Variants in IGF2BP2 observed in about 807,000 individuals in gnomAD.
IGF2BP2 encodes insulin like growth factor 2 mRNA binding protein 2, also known as insulin-like growth factor 2 mRNA-binding protein 2.
Under a neutral mutation model 75.8 loss-of-function variants are expected in IGF2BP2, and 17 were observed. The observed-to-expected ratio is 0.22, with a 90% CI of 0.15 to 0.34. The LOEUF (loss-of-function observed/expected upper bound fraction) is 0.34. IGF2BP2 is among the 10% of genes least tolerant of loss of function. The pLI is 1.00. For synonymous variants in IGF2BP2, 288 were observed against 295.6 expected, an observed-to-expected ratio of 0.97 and a Z score of 0.26; for missense variants, 516 against 772.4, an observed-to-expected ratio of 0.67 and a Z score of 3.93.
chr3:185,726,086 C>T (rs1727286460), intron 2 of IGF2BP2, among the ~76,000 whole-genome samples: 1 of 152,128 alleles, frequency 6.6e-6, no homozygotes, highest in Non-Finnish European at 1.5e-5. Context: ...AACAGGTGAG[C>T]GGGACCAGGG....
At chr3:185,675,575 A>G in intron 8 of IGF2BP2, 144 bp from the exon 9 acceptor site, 1 of 1,111,530 alleles carries the variant, frequency 9.0e-7, no homozygotes, top group Non-Finnish European at 1.3e-6. Flanking sequence ...AATCCCTGCC[A>G]TCTTATTTCA....
chr3:185,780,892 T>C (rs916801577), intron 2 of IGF2BP2, among the ~76,000 whole-genome samples: 7 of 152,174 alleles, frequency 4.6e-5, no homozygotes, highest in Non-Finnish European at 1.0e-4. Context: ...AAGCTAGACC[T>C]TGGCTCACAT....
chr3:185,791,082 G>T (rs906294593), intron 2 of IGF2BP2, among the ~76,000 whole-genome samples: 2 of 152,190 alleles, frequency 1.3e-5, no homozygotes, highest in African/African-American at 4.8e-5. Context: ...ATTGACCCCA[G>T]ACCTGGCTAG....
intron 2 of IGF2BP2, among the ~76,000 whole-genome samples, chr3:185,805,093 G>T (rs750721819): frequency 6.6e-6 from 1 of 151,894 alleles, no homozygotes; most frequent in Non-Finnish European, 1.5e-5. Flanking sequence ...TCCACTTTAC[G>T]TAGATCCTAG....
intron 2 of IGF2BP2, among the ~76,000 whole-genome samples, chr3:185,701,186 TC>T (rs1287332344): frequency 6.6e-6 from 1 of 152,042 alleles, no homozygotes; most frequent in African/African-American, 2.4e-5. Flanking sequence ...CACGTTGGCC[TC>T]CCAAAGTGCT....
In IGF2BP2 at chr3:185,797,766, G is replaced by A. The variant is rs533642621; in HGVS notation, c.239+25387C>T. 3.4e-4 allele frequency among the ~76,000 whole-genome samples: 52 copies of A among 151,746 alleles called. 1 individual carries two copies. The highest frequency in any genetic ancestry group is 4.4e-4 in the Non-Finnish European group (30 of 67,952). On this transcript the variant is annotated intron_variant, in intron 2 of 15. Transcript: ENST00000382199. The stretch of plus-strand genomic sequence containing the variant: ...AAAAAAACAAAAAAATTAGCCAAGC[G>A]TGGAGGTGCATGCCTGTAGTCCTAG...
Position 185,652,124 on chromosome 3 carries a change from G to A in IGF2BP2, c.1431C>T (p.Ile477=). The change falls in exon 13 of 16, where the codon ATC becomes ATT. Residue 477 remains isoleucine (I), a synonymous_variant. Transcript: ENST00000382199. ...EGPDVSERMV[I]ITGPPEAQFK... The stretch of plus-strand genomic sequence containing the variant: ...ACTGGGCTTCCGGTGGCCCGGTGAT[G>A]ATGACCATCCTTTCGCTGACGTCTG... 6.2e-7 allele frequency: 1 copy of A among 1,613,020 alleles called. No homozygotes were observed. Among genetic ancestry groups the A allele is most frequent in the Non-Finnish European group, 8.5e-7 (1 of 1,179,298 alleles).
chr3:185,797,832 C>A (rs182865901), intron 2 of IGF2BP2, among the ~76,000 whole-genome samples: 2 of 142,584 alleles, frequency 1.4e-5, no homozygotes, highest in African/African-American at 2.7e-5. Context: ...GTGAGCCTGG[C>A]GAGGTCAAGG....
At chr3:185,672,404 C>T (rs1198892134) in intron 10 of IGF2BP2, 137 bp downstream of exon 10, 12 of 845,206 alleles carry the variant, frequency 1.4e-5, no homozygotes, top group Non-Finnish European at 2.0e-5. Context: ...ATGTTGAGTT[C>T]AACCTACATT....
chr3:185,645,355 C>A lies in IGF2BP2; in HGVS notation c.*176G>T, dbSNP rs1179532125. The A allele has an allele frequency of 1.9e-5, 11 of 587,210 alleles. No individual in the cohort carries two copies. The highest frequency in any genetic ancestry group is 2.4e-5 in the Non-Finnish European group (8 of 327,382). The allele number at this position is 587,210 out of a possible 1,614,324, so 36.4% of individuals were successfully genotyped here. Reference sequence around the variant, plus strand: ...AACCTGGCTGACCTTCCCCGCCCCTCCTCGGCCCCTGGGGTTCTCAGGGCC... The same window carrying A: ...AACCTGGCTGACCTTCCCCGCCCCTACTCGGCCCCTGGGGTTCTCAGGGCC... On this transcript the variant is annotated 3_prime_UTR_variant, in exon 16 of 16. Transcript: ENST00000382199. This position sits in a 1 kb window ranked among gnomAD's most constrained non-coding sequence, Gnocchi z 4.9.
chr3:185,654,972 A>G (rs951945975), intron 12 of IGF2BP2, among the ~76,000 whole-genome samples: 15 of 152,184 alleles, frequency 9.9e-5, no homozygotes, highest in Admixed American at 9.8e-4. Context: ...GCCCAGCAGC[A>G]TCAAATGTGC....
At chr3:185,800,329 T>C (rs906249415) in intron 2 of IGF2BP2, among the ~76,000 whole-genome samples, 21 of 151,976 alleles carry the variant, frequency 1.4e-4, no homozygotes, top group African/African-American at 5.1e-4. Flanking sequence ...CTAATGTAAA[T>C]GACAAGTTGA....
intron 5 of IGF2BP2, among the ~76,000 whole-genome samples, chr3:185,690,006 G>GGTTCATTCACTCCCATTTAA (rs1721735842): frequency 1.3e-5 from 2 of 151,802 alleles, no homozygotes; most frequent in African/African-American, 4.8e-5. Flanking sequence ...CCGCAAGACT[G>GGTTCATTCACTCCCATTTAA]GTTCATTCAC....
At chr3:185,666,272 A>T (rs1369683215) in intron 10 of IGF2BP2, among the ~76,000 whole-genome samples, 2 of 152,252 alleles carry the variant, frequency 1.3e-5, no homozygotes, top group Non-Finnish European at 2.9e-5. Context: ...GTTTGTAGTG[A>T]GCAATGAAAC....
In IGF2BP2 at chr3:185,665,485, G is replaced by GA. The variant is rs1717350137; in HGVS notation, c.1200+7055dup. 6.0e-5 allele frequency among the ~76,000 whole-genome samples: 4 copies of GA among 66,172 alleles called. 1 individual carries two copies. The highest frequency in any genetic ancestry group is 1.2e-4 in the Non-Finnish European group (4 of 34,382). The allele number at this position is 66,172 out of a possible 152,430, so 43.4% of individuals were successfully genotyped here. A position where few individuals can be genotyped will look rare whatever the true frequency, so the allele number is the denominator to read the frequency against. ...GAAGAAGAAGAAGAAGGAGAAGAAG[G>GA]AGGAGAAGGAGGAGGAGAAGGAGGA... On this transcript the variant is annotated intron_variant, in intron 10 of 15. Transcript: ENST00000382199.
chr3:185,759,478 A>T (rs1732068302), intron 2 of IGF2BP2, among the ~76,000 whole-genome samples: 1 of 152,232 alleles, frequency 6.6e-6, no homozygotes, highest in Non-Finnish European at 1.5e-5. Flanking sequence ...CAGCACTCAC[A>T]TCTTACTGAA....
intron 7 of IGF2BP2, among the ~76,000 whole-genome samples, chr3:185,679,968 G>A (rs369931216): frequency 7.2e-5 from 11 of 152,062 alleles, no homozygotes; most frequent in African/African-American, 2.7e-4. Flanking sequence ...GCATAAAAAC[G>A]GCAATAATAA....
In IGF2BP2 at chr3:185,801,489, C is replaced by CAA. The variant is rs35823870; in HGVS notation, c.239+21662_239+21663dup. On this transcript the variant is annotated intron_variant, in intron 2 of 15. Transcript: ENST00000382199. ...GGGCAACAAGAGCAAAACTCCATCT[C>CAA]AAAAAAAAAAAAAAAAAAAAAGTCA... Among the ~76,000 whole-genome samples the CAA allele has an allele frequency of 1.7e-3, 88 of 51,548 alleles. 1 individual carries two copies. Among genetic ancestry groups the CAA allele is most frequent in the African/African-American group, 3.4e-3 (51 of 14,986 alleles). 33.8% of individuals were successfully genotyped at this position (51,548 alleles called of 152,430 possible). A position where few individuals can be genotyped will look rare whatever the true frequency, so the allele number is the denominator to read the frequency against.
chr3:185,653,658 G>A (rs1027162869), intron 12 of IGF2BP2, among the ~76,000 whole-genome samples: 2 of 151,916 alleles, frequency 1.3e-5, no homozygotes, highest in African/African-American at 2.4e-5. Context: ...ATTTAGGATT[G>A]TAAGGATGAG....
Sources: gnomAD v4.1 joint callset for allele counts (sites outside exome capture counted in the v4.1 genomes callset) on GRCh38, gnomAD v4.1.1 for gene constraint, Gnocchi (gnomAD v3.1) non-coding constraint, MANE v1.5 for transcripts, NCBI Gene and HGNC (gene_info 2026-07-23, HGNC 2026-07-21) for gene names.